AKR1C3: variants seen among roughly 807,000 people sequenced by gnomAD.
The protein encoded by AKR1C3 is 3-alpha hydroxysteroid dehydrogenase, type II.
In AKR1C3, 48 loss-of-function variants were observed where a neutral mutation model predicts 43.6. The observed-to-expected ratio is 1.10, with a 90% CI of 0.87 to 1.40. AKR1C3 has a LOEUF of 1.40. Ranked by LOEUF, AKR1C3 falls within the 40% of genes most tolerant of loss-of-function variation. AKR1C3 has a pLI of 0.00. For synonymous variants in AKR1C3, 162 were observed against 139.6 expected (o/e 1.16, Z -1.13); for missense variants, 482 against 391.2 (o/e 1.23, Z -1.96).
chr10:5,050,622 G>A (rs1174702654), intron 1 of AKR1C3, among the ~76,000 whole-genome samples: 1 of 151,940 alleles, frequency 6.6e-6, no homozygotes, highest in Non-Finnish European at 1.5e-5. Flanking sequence ...TAATATAGAG[G>A]AAAATAAAAC....
chr10:5,058,668 T>C (rs1838313841), intron 1 of AKR1C3, among the ~76,000 whole-genome samples: 1 of 152,152 alleles, frequency 6.6e-6, no homozygotes, highest in South Asian at 2.1e-4. Context: ...CCTGCAATGG[T>C]CCGTGGACCC....
At chr10:5,059,770 G>C (rs1398783171) in intron 1 of AKR1C3, among the ~76,000 whole-genome samples, 5 of 152,166 alleles carry the variant, frequency 3.3e-5, no homozygotes, top group African/African-American at 1.2e-4. Flanking sequence ...CTCAGTGATA[G>C]CTGATGGTCT....
At chr10:5,076,901 C>T (rs11252920) in intron 1 of AKR1C3, among the ~76,000 whole-genome samples, 11 of 151,960 alleles carry the variant, frequency 7.2e-5, no homozygotes, top group African/African-American at 2.4e-4. Flanking sequence ...GGCTACTTGG[C>T]GCACATAATG....
At chr10:5,056,164 A>G (rs1554779545) in intron 1 of AKR1C3, among the ~76,000 whole-genome samples, 1 of 152,176 alleles carries the variant, frequency 6.6e-6, no homozygotes, top group Non-Finnish European at 1.5e-5. Context: ...GGACTTGAGA[A>G]GTGGCCTAGA....
chr10:5,071,582 G>A (rs1269089958), intron 1 of AKR1C3, among the ~76,000 whole-genome samples: 2 of 152,190 alleles, frequency 1.3e-5, no homozygotes, highest in South Asian at 2.1e-4. Context: ...GCCTTGGTCT[G>A]TAAGGATCTG....
At position 5,053,348 on chromosome 10, in the gene AKR1C3, C is replaced by T. The variant is rs572535039; in HGVS notation, c.84+4453C>T. Among the ~76,000 whole-genome samples the T allele has an allele frequency of 2.2e-3, 332 of 152,342 alleles. 2 individuals carry two copies. Among genetic ancestry groups the T allele is most frequent in the African/African-American group, 7.8e-3 (323 of 41,580 alleles). On this transcript the variant is annotated intron_variant, in intron 1 of 8. Transcript: ENST00000439082. ...AGCACAGCAGCTGCTGGCCCAGGTGCTAAGCCCCTCACTGCCCTGGGCTTG... is the reference window on the plus strand; with the variant it reads ...AGCACAGCAGCTGCTGGCCCAGGTGTTAAGCCCCTCACTGCCCTGGGCTTG...
intron 7 of AKR1C3, among the ~76,000 whole-genome samples, chr10:5,104,979 G>T (rs1554786852): frequency 6.7e-6 from 1 of 149,880 alleles, no homozygotes. Flanking sequence ...CTATTAGAGT[G>T]ATTTAGTCAA....
chr10:5,099,713 C>G, intron 5 of AKR1C3: 4 of 487,186 alleles, frequency 8.2e-6, no homozygotes, highest in Admixed American at 7.0e-5. Flanking sequence ...CTGGAATCAT[C>G]AATTAGAACT....
intron 1 of AKR1C3, among the ~76,000 whole-genome samples, chr10:5,076,999 C>A (rs1564361033): frequency 6.6e-6 from 1 of 152,156 alleles, no homozygotes; most frequent in African/African-American, 2.4e-5. Flanking sequence ...GTTTCAGCAC[C>A]TCATTGGGAT....
intron 1 of AKR1C3, among the ~76,000 whole-genome samples, chr10:5,061,862 A>C (rs1838390127): frequency 6.6e-6 from 1 of 152,228 alleles, no homozygotes; most frequent in South Asian, 2.1e-4. Context: ...GTAAGTATGA[A>C]AGACAAAATG....
At chr10:5,051,387 A>G (rs1173641813) in intron 1 of AKR1C3, among the ~76,000 whole-genome samples, 1 of 152,230 alleles carries the variant, frequency 6.6e-6, no homozygotes, top group Admixed American at 6.5e-5. Context: ...ATGAGCCACT[A>G]TGCCCAGCTG....
intron 1 of AKR1C3, among the ~76,000 whole-genome samples, chr10:5,077,260 C>T (rs1021557739): frequency 6.6e-6 from 1 of 152,030 alleles, no homozygotes; most frequent in Non-Finnish European, 1.5e-5. Context: ...GTATTTTTCT[C>T]TCATAGAGAG....
At chr10:5,087,066 C>T (rs561593936) in intron 1 of AKR1C3, among the ~76,000 whole-genome samples, 1 of 152,246 alleles carries the variant, frequency 6.6e-6, no homozygotes, top group South Asian at 2.1e-4. Flanking sequence ...AGACCATTTA[C>T]ATTTAAAGTT....
chr10:5,070,935 C>T (rs928687319), intron 1 of AKR1C3, among the ~76,000 whole-genome samples: 3 of 152,192 alleles, frequency 2.0e-5, no homozygotes, highest in Admixed American at 6.5e-5. Context: ...GAGGCTTAGA[C>T]TTAACCAGTG....
chr10:5,068,641 T>A (rs1838558614), intron 1 of AKR1C3, among the ~76,000 whole-genome samples: 1 of 152,230 alleles, frequency 6.6e-6, no homozygotes, highest in Non-Finnish European at 1.5e-5. Context: ...CTAAGTTGTG[T>A]TCTGATAAGA....
chr10:5,077,638 T>C, intron 1 of AKR1C3: 1 of 1,051,450 alleles, frequency 9.5e-7, no homozygotes, highest in Admixed American at 5.5e-5. Flanking sequence ...AGGAGTTTGG[T>C]TTTTGCTGAA....
intron 1 of AKR1C3, among the ~76,000 whole-genome samples, chr10:5,060,641 CT>C (rs150659019): frequency 0.078 from 11,825 of 152,264 alleles, 664 homozygotes; most frequent in Admixed American, 0.18. Flanking sequence ...GGATCCCACA[CT>C]GGGGCTGCAG....
chr10:5,099,821 GA>G lies in AKR1C3; in HGVS notation c.570+376del, dbSNP rs1245392289. 4 of 213,376 alleles carry G rather than the reference GA, an allele frequency of 1.9e-5. 1 individual carries two copies. Among genetic ancestry groups the G allele is most frequent in the African/African-American group, 9.2e-5 (4 of 43,636 alleles). 13.2% of individuals were successfully genotyped at this position (213,376 alleles called of 1,614,324 possible). A position where few individuals can be genotyped will look rare whatever the true frequency, so the allele number is the denominator to read the frequency against. On this transcript the variant is annotated intron_variant, in intron 5 of 8. Coordinates refer to ENST00000380554, the MANE Select transcript of AKR1C3 (RefSeq NM_003739.6). Reference sequence around the variant, plus strand: ...GAATGGTGTATAGATATGAAGCTAGGAAAAGATGAAATGAGCTGTACGTGAA... The same window carrying G: ...GAATGGTGTATAGATATGAAGCTAGGAAAGATGAAATGAGCTGTACGTGAA...
At chr10:5,056,114 C>T (rs1838255987) in intron 1 of AKR1C3, among the ~76,000 whole-genome samples, 1 of 152,042 alleles carries the variant, frequency 6.6e-6, no homozygotes. Context: ...AACTGGTAGC[C>T]AAAAGTAAAT....
Sources: gnomAD v4.1 joint callset for allele counts (sites outside exome capture counted in the v4.1 genomes callset) on GRCh38, gnomAD v4.1.1 for gene constraint, MANE v1.5 for transcripts, NCBI Gene and HGNC (gene_info 2026-07-23, HGNC 2026-07-21) for gene names.